Variants in MAF observed in about 807,000 individuals in gnomAD.
MAF encodes the protein MAF bZIP transcription factor.
MAF carries 10 observed loss-of-function variants against 22.0 expected under a neutral mutation model. The observed-to-expected ratio is 0.45, with a 90% CI of 0.28 to 0.77. The LOEUF (loss-of-function observed/expected upper bound fraction) is 0.77. Ranked by LOEUF, MAF falls within the 30% of genes least tolerant of loss-of-function variation. The pLI is 0.12. For synonymous variants in MAF, 337 were observed against 255.8 expected, an observed-to-expected ratio of 1.32 and a Z score of -3.03; for missense variants, 544 against 548.4, an observed-to-expected ratio of 0.99 and a Z score of 0.08.
the MAF span, among the ~76,000 whole-genome samples, chr16:79,557,164 G>A: frequency 0.041 from 4,556 of 110,152 alleles, 126 homozygotes; most frequent in African/African-American, 0.07. Context: ...TTCAGCAAGT[G>A]TAGTTTTTTT....
chr16:79,383,629 T>C, the MAF span, among the ~76,000 whole-genome samples: 1 of 152,212 alleles, frequency 6.6e-6, no homozygotes, highest in Non-Finnish European at 1.5e-5. Flanking sequence ...CTTAACCTTA[T>C]TCAAGGAGGT....
At chr16:79,253,873 T>C in the MAF span, among the ~76,000 whole-genome samples, 1 of 152,086 alleles carries the variant, frequency 6.6e-6, no homozygotes, top group Non-Finnish European at 1.5e-5. Context: ...AGGGGTTCTT[T>C]TCCTTCCTTA....
chr16:79,447,480 C>A, the MAF span, among the ~76,000 whole-genome samples: 2 of 152,022 alleles, frequency 1.3e-5, no homozygotes, highest in African/African-American at 2.4e-5. Flanking sequence ...AGCCCATGGA[C>A]CAAGGAATAA....
At chr16:79,409,336 A>C in the MAF span, among the ~76,000 whole-genome samples, 2 of 152,202 alleles carry the variant, frequency 1.3e-5, no homozygotes, top group Non-Finnish European at 2.9e-5. Flanking sequence ...TTTCCAAGAA[A>C]TCTGTACAAG....
At chr16:79,237,245 C>G in the MAF span, among the ~76,000 whole-genome samples, 1 of 152,038 alleles carries the variant, frequency 6.6e-6, no homozygotes, top group Non-Finnish European at 1.5e-5. Context: ...AATATCTCCC[C>G]AAGACAGGGA....
chr16:79,334,341 G>A, the MAF span, among the ~76,000 whole-genome samples: 3 of 152,160 alleles, frequency 2.0e-5, no homozygotes, highest in African/African-American at 7.2e-5. Context: ...GGAGCTAGAA[G>A]CAAACGAATC....
the MAF span, among the ~76,000 whole-genome samples, chr16:79,276,466 C>A: frequency 6.6e-6 from 1 of 152,056 alleles, no homozygotes; most frequent in Non-Finnish European, 1.5e-5. Flanking sequence ...CTCCATTACA[C>A]AAGCTGGAAG....
chr16:79,509,420 C>T, the MAF span, among the ~76,000 whole-genome samples: 4 of 152,184 alleles, frequency 2.6e-5, no homozygotes, highest in African/African-American at 7.2e-5. Flanking sequence ...CCCTCTCTGC[C>T]GTCAGCTTTT....
the MAF span, among the ~76,000 whole-genome samples, chr16:79,349,193 C>T: frequency 6.6e-6 from 1 of 152,194 alleles, no homozygotes; most frequent in South Asian, 2.1e-4. Context: ...CAAGGGCACA[C>T]AGTGTGAAAG....
chr16:79,598,070 C>G, intron 1 of MAF: 5 of 1,042,314 alleles, frequency 4.8e-6, no homozygotes, highest in Non-Finnish European at 5.8e-6. Context: ...CCCGATGGAA[C>G]TCGGCACGCT....
At chr16:79,414,562 C>T in the MAF span, among the ~76,000 whole-genome samples, 1 of 152,166 alleles carries the variant, frequency 6.6e-6, no homozygotes, top group Non-Finnish European at 1.5e-5. Flanking sequence ...GGTCACATTT[C>T]AACATGAGAT....
At chr16:79,389,836 C>T in the MAF span, among the ~76,000 whole-genome samples, 3 of 151,310 alleles carry the variant, frequency 2.0e-5, no homozygotes, top group Admixed American at 6.6e-5. Flanking sequence ...ATTAGCCAGG[C>T]GTGGTGGTGG....
chr16:79,206,908 G>A, the MAF span, among the ~76,000 whole-genome samples: 40 of 152,322 alleles, frequency 2.6e-4, no homozygotes, highest in African/African-American at 8.9e-4. Context: ...CTTGGATAGT[G>A]AGTAGGGAAC....
At chr16:79,278,549 C>G in the MAF span, among the ~76,000 whole-genome samples, 1 of 152,222 alleles carries the variant, frequency 6.6e-6, no homozygotes, top group Admixed American at 6.5e-5. Context: ...AGGCCCTTGA[C>G]TTTCAAAGTG....
the MAF span, among the ~76,000 whole-genome samples, chr16:79,335,254 T>C: frequency 6.6e-6 from 1 of 151,424 alleles, no homozygotes; most frequent in South Asian, 2.1e-4. Context: ...TTTTGGGGGC[T>C]GTTGGAGAAG....
At chr16:79,450,271 T>G in the MAF span, among the ~76,000 whole-genome samples, 2 of 152,246 alleles carry the variant, frequency 1.3e-5, no homozygotes, top group African/African-American at 2.4e-5. Context: ...TCATTTTCAG[T>G]GCTCCTTATT....
the MAF span, among the ~76,000 whole-genome samples, chr16:79,366,346 C>A: frequency 6.6e-6 from 1 of 152,286 alleles, no homozygotes; most frequent in South Asian, 2.1e-4. Context: ...GGGTTAGAGC[C>A]TAAAAATGTA....
At chr16:79,493,399 C>G in the MAF span, among the ~76,000 whole-genome samples, 1 of 152,142 alleles carries the variant, frequency 6.6e-6, no homozygotes, top group Admixed American at 6.5e-5. Context: ...CCAGGCTGCT[C>G]TTGAACTCCT....
At chr16:79,409,497 C>A in the MAF span, among the ~76,000 whole-genome samples, 1 of 152,222 alleles carries the variant, frequency 6.6e-6, no homozygotes, top group Admixed American at 6.5e-5. Flanking sequence ...TAGCTTGGGT[C>A]CAGCATTTCC....
Sources: gnomAD v4.1 joint callset for allele counts (sites outside exome capture counted in the v4.1 genomes callset) on GRCh38, gnomAD v4.1.1 for gene constraint, MANE v1.5 for transcripts, NCBI Gene and HGNC (gene_info 2026-07-23, HGNC 2026-07-21) for gene names.